GPHA2: variants seen among roughly 807,000 people sequenced by gnomAD.
The protein encoded by GPHA2 is glycoprotein hormone subunit alpha 2.
GPHA2 carries 12 observed loss-of-function variants against 15.3 expected under a neutral mutation model. The ratio of observed to expected loss-of-function variants is 0.78; its 90% CI spans 0.50 to 1.27. The LOEUF is 1.27. Ranked by LOEUF, GPHA2 falls within the 50% of genes most tolerant of loss-of-function variation. GPHA2 has a pLI of 0.00. For missense variants in GPHA2, 156 were observed against 169.5 expected, an observed-to-expected ratio of 0.92 and a Z score of 0.44; for synonymous variants, 61 against 66.8, an observed-to-expected ratio of 0.91 and a Z score of 0.42.
At chr11:64,937,319 G>C (rs1235850699), upstream of GPHA2, among the ~76,000 whole-genome samples, 3 of 152,360 alleles carry the variant, frequency 2.0e-5, no homozygotes, top group South Asian at 4.1e-4. Context: ...GCTAGTCAGA[G>C]TCAGGGCGGG....
chr11:64,934,728 C>A lies in GPHA2; in HGVS notation c.*45G>T. On this transcript the variant is annotated 3_prime_UTR_variant, in exon 4 of 4. Transcript: ENST00000279168. Reference sequence around the variant, plus strand: ...TGAACACAGGTTTCCCCCACCAGAACGTCAAGCCCTGTGACCCAGGGGAGG... The same window carrying A: ...TGAACACAGGTTTCCCCCACCAGAAAGTCAAGCCCTGTGACCCAGGGGAGG... 1 of 1,477,616 alleles carries A rather than the reference C, an allele frequency of 6.8e-7. No homozygotes were observed. Among genetic ancestry groups the A allele is most frequent in the Non-Finnish European group, 9.5e-7 (1 of 1,055,558 alleles). The allele number at this position is 1,477,616 out of a possible 1,614,324, so 91.5% of individuals were successfully genotyped here.
At chr11:64,936,933 A>T (rs1450552014), upstream of GPHA2, among the ~76,000 whole-genome samples, 1 of 152,220 alleles carries the variant, frequency 6.6e-6, no homozygotes. Context: ...AGATGAGGCA[A>T]CTAAGGCTCA....
chr11:64,934,775 A>G lies in GPHA2; in HGVS notation c.388T>C (p.Ter130GlnextTer59), dbSNP rs759997584. The G allele has an allele frequency of 1.9e-6, 3 of 1,612,822 alleles. No homozygotes were observed. The East Asian group carries it at 6.7e-5, about 36-fold the overall frequency. ...GAGGAAGGAGGGGAGAGGATGGGCTAGTAGCGAGAGAGGCGACACATGTCA... is the reference window on the plus strand; with the variant it reads ...GAGGAAGGAGGGGAGAGGATGGGCTGGTAGCGAGAGAGGCGACACATGTCA... ...QCDMCRLSRY[*>Q] The change falls in exon 4 of 4, where the codon TAG becomes CAG. Residue 130 changes from the stop codon to glutamine, a stop_lost. Coordinates refer to ENST00000279168, the MANE Select transcript of GPHA2 (RefSeq NM_130769.4).
chr11:64,934,790 G>T lies in GPHA2; in HGVS notation c.373C>A (p.Arg125Ser). 1 of 1,613,946 alleles carries T rather than the reference G, an allele frequency of 6.2e-7. No individual in the cohort carries two copies. Among genetic ancestry groups the T allele is most frequent in the Middle Eastern group, 1.6e-4 (1 of 6,062 alleles). Residue 125 changes from arginine to serine, a missense_variant, in exon 4 of 4, where the codon CGC becomes AGC. By Grantham distance (110) the Arg-to-Ser change is moderately radical. Coordinates refer to ENST00000279168, the MANE Select transcript of GPHA2 (RefSeq NM_130769.4). ...TARACQCDMC[R>S]LSRY ...AGGATGGGCTAGTAGCGAGAGAGGC[G>T]ACACATGTCACACTGGCAGGCCCTG...
Position 64,934,987 on chromosome 11 carries a change from T to C in GPHA2, c.288+4A>G, listed in dbSNP as rs1377210271. On this transcript the variant is annotated splice_donor_region_variant and intron_variant, in intron 3 of 3. Coordinates refer to ENST00000279168, the MANE Select transcript of GPHA2 (RefSeq NM_130769.4). ...TCCATCCACCGGGCCCGGGCCCTCCTCACCTTCTTCAGGCCACTGATGGTG... is the reference window on the plus strand; with the variant it reads ...TCCATCCACCGGGCCCGGGCCCTCCCCACCTTCTTCAGGCCACTGATGGTG... The C allele has an allele frequency of 1.2e-6, 2 of 1,613,774 alleles. No homozygotes were observed. Among genetic ancestry groups the C allele is most frequent in the Admixed American group, 1.7e-5 (1 of 59,982 alleles).
upstream of GPHA2, among the ~76,000 whole-genome samples, chr11:64,936,916 G>GA (rs1945298639): frequency 6.6e-6 from 1 of 152,194 alleles, no homozygotes; most frequent in East Asian, 1.9e-4. Context: ...TCCAACTCTG[G>GA]TTTTATAGAT....
Position 64,935,068 on chromosome 11 carries a change from A to G in GPHA2, c.211T>C (p.Ser71Pro). 6.2e-7 allele frequency: 1 copy of G among 1,614,142 alleles called. No individual in the cohort carries two copies. The highest frequency in any genetic ancestry group is 8.5e-7 in the Non-Finnish European group (1 of 1,180,020). ...CGGTAACCACTGGCCACCAGCACAG[A>G]GTACCGAGAAGGGAAGGCGCTGGAC... The part of the protein sequence containing the change: ...CESSAFPSRY[S>P]VLVASGYRHN... The change falls in exon 3 of 4, where the codon TCT becomes CCT. Residue 71 changes from serine to proline, a missense_variant. By Grantham distance (74) the Ser-to-Pro change is moderately conservative. Transcript: ENST00000279168.
In GPHA2 at chr11:64,934,689, C is replaced by T. The variant is rs1945269139; in HGVS notation, c.*84G>A. On this transcript the variant is annotated 3_prime_UTR_variant, in exon 4 of 4. Coordinates refer to ENST00000279168, the MANE Select transcript of GPHA2 (RefSeq NM_130769.4). Reference sequence around the variant, plus strand: ...TAACCATCAGGGCTGGAGCTCCTTCCAGTTTTTGAATCTTGAACACAGGTT... The same window carrying T: ...TAACCATCAGGGCTGGAGCTCCTTCTAGTTTTTGAATCTTGAACACAGGTT... 3.6e-6 allele frequency: 4 copies of T among 1,111,850 alleles called. No individual in the cohort carries two copies. In the South Asian group the frequency reaches 4.9e-5, roughly 14 times the overall value. 68.9% of individuals were successfully genotyped at this position (1,111,850 alleles called of 1,614,324 possible).
upstream of GPHA2, among the ~76,000 whole-genome samples, chr11:64,937,009 G>C (rs987839375): frequency 1.1e-4 from 17 of 152,192 alleles, no homozygotes; most frequent in African/African-American, 3.4e-4. Flanking sequence ...ATTCAAATCT[G>C]CTGTCCATCC....
upstream of GPHA2, among the ~76,000 whole-genome samples, chr11:64,936,649 G>A (rs2136698017): frequency 6.6e-6 from 1 of 152,262 alleles, no homozygotes; most frequent in South Asian, 2.1e-4. Context: ...AAAGGAAAGG[G>A]ATTGGGGAAG....
rs777018916 is a variant in GPHA2, at chr11:64,934,772, G to T, written c.*1C>A. On this transcript the variant is annotated 3_prime_UTR_variant, in exon 4 of 4. Transcript: ENST00000279168. ...GGGGAGGAAGGAGGGGAGAGGATGG[G>T]CTAGTAGCGAGAGAGGCGACACATG... 1.7e-5 allele frequency: 27 copies of T among 1,612,154 alleles called. No individual in the cohort carries two copies. The East Asian group carries it at 6.0e-4, about 36-fold the overall frequency.
chr11:64,934,644 TA>T lies in GPHA2; in HGVS notation c.*128del. 1.3e-6 allele frequency: 1 copy of T among 754,734 alleles called. No homozygotes were observed. Among genetic ancestry groups the T allele is most frequent in the Non-Finnish European group, 2.3e-6 (1 of 432,122 alleles). 46.8% of individuals were successfully genotyped at this position (754,734 alleles called of 1,614,324 possible). A position where few individuals can be genotyped will look rare whatever the true frequency, so the allele number is the denominator to read the frequency against. ...AAGCTGGAACAACCCTCCCCTTATT[TA>T]AAAAAATTCCATAGCAAGTAACCAT... On this transcript the variant is annotated 3_prime_UTR_variant, in exon 4 of 4. Coordinates refer to ENST00000279168, the MANE Select transcript of GPHA2 (RefSeq NM_130769.4).
upstream of GPHA2, among the ~76,000 whole-genome samples, chr11:64,936,701 C>A (rs1294165370): frequency 2.0e-5 from 3 of 152,114 alleles, no homozygotes; most frequent in Non-Finnish European, 4.4e-5. Flanking sequence ...GTGGAGGTCT[C>A]CTGAGATGTG....
upstream of GPHA2, among the ~76,000 whole-genome samples, chr11:64,936,727 G>A (rs938019724): frequency 1.3e-5 from 2 of 152,120 alleles, no homozygotes; most frequent in Admixed American, 6.5e-5. Flanking sequence ...TGGCAGGGCC[G>A]GGGGTTTGGG....
chr11:64,935,391 G>A lies in GPHA2; in HGVS notation c.70C>T (p.Gln24Ter). ...TGGCAGCCTGGGATGACTGCCTCCT[G>A]GCCCCAGGCTTCAGTGACTGCCAGG... ...LVLAVTEAWG[Q>*]EAVIPGCHLH... is the part of the protein sequence containing the mutation. Residue 24 changes from glutamine (Q) to a stop codon, truncating the protein, a stop_gained, in exon 2 of 4, where the codon CAG becomes TAG. Coordinates refer to ENST00000279168, the MANE Select transcript of GPHA2 (RefSeq NM_130769.4). LOFTEE classifies it high-confidence loss of function. 2 of 1,608,316 alleles carry A rather than the reference G, an allele frequency of 1.2e-6. No homozygotes were observed. Among genetic ancestry groups the A allele is most frequent in the Non-Finnish European group, 1.7e-6 (2 of 1,177,534 alleles).
chr11:64,935,058 A>T lies in GPHA2; in HGVS notation c.221T>A (p.Val74Glu). Reference sequence around the variant, plus strand: ...GATGTTGTGTCGGTAACCACTGGCCACCAGCACAGAGTACCGAGAAGGGAA... The same window carrying T: ...GATGTTGTGTCGGTAACCACTGGCCTCCAGCACAGAGTACCGAGAAGGGAA... ...SAFPSRYSVL[V>E]ASGYRHNITS... is the part of the protein sequence containing the mutation. Residue 74 changes from valine to glutamate, a missense_variant, in exon 3 of 4, where the codon GTG (valine) becomes GAG (glutamate). Transcript: ENST00000279168. 1 of 1,614,126 alleles carries T rather than the reference A, an allele frequency of 6.2e-7. No homozygotes were observed. The highest frequency in any genetic ancestry group is 8.5e-7 in the Non-Finnish European group (1 of 1,180,012).
chr11:64,935,283 C>A, intron 2 of GPHA2, 75 bp downstream of exon 2: 1 of 1,391,734 alleles, frequency 7.2e-7, no homozygotes, highest in Admixed American at 2.2e-5. Flanking sequence ...GCTGCCTGCC[C>A]CACCGTCCAC....
At chr11:64,937,243 C>T (rs1156688707), upstream of GPHA2, among the ~76,000 whole-genome samples, 1 of 152,140 alleles carries the variant, frequency 6.6e-6, no homozygotes, top group Non-Finnish European at 1.5e-5. Context: ...CAAATCCTAC[C>T]CCCTCATTTT....
At chr11:64,935,267 T>C in intron 2 of GPHA2, 91 bp downstream of exon 2, 1 of 1,467,544 alleles carries the variant, frequency 6.8e-7, no homozygotes, top group Non-Finnish European at 9.3e-7. Context: ...TGGGGCCCTT[T>C]AGGGTGCTGC....
Sources: allele counts gnomAD v4.1 joint callset (sites outside exome capture counted in the v4.1 genomes callset), GRCh38; gene constraint gnomAD v4.1.1; transcripts MANE v1.5; gene names NCBI Gene and HGNC (gene_info 2026-07-23, HGNC 2026-07-21).